Variants in CTSO observed in about 807,000 individuals in gnomAD.
CTSO encodes the protein cathepsin O.
CTSO carries 40 observed loss-of-function variants against 42.4 expected under a neutral mutation model. The ratio of observed to expected loss-of-function variants is 0.94; its 90% CI spans 0.73 to 1.23. CTSO has a LOEUF of 1.23. Ranked by LOEUF, CTSO falls within the 50% of genes most tolerant of loss-of-function variation. The pLI, the probability that CTSO is intolerant of heterozygous loss-of-function variation, is 0.00. For synonymous variants in CTSO, 156 were observed against 146.2 expected (o/e 1.07, Z -0.48); for missense variants, 441 against 396.0 (o/e 1.11, Z -0.96).
chr4:155,928,528 G>T, intron 6 of CTSO, 100 bp from the exon 7 acceptor site: 1 of 770,746 alleles, frequency 1.3e-6, no homozygotes, highest in Non-Finnish European at 2.1e-6. Flanking sequence ...AAGGATAGTA[G>T]CTCTGAGAAG....
intron 6 of CTSO, 117 bp downstream of exon 6, chr4:155,929,425 G>A: frequency 7.1e-6 from 7 of 986,272 alleles, no homozygotes; most frequent in Non-Finnish European, 1.0e-5. Flanking sequence ...AAGTTGTGAA[G>A]GTCTTATGAG....
chr4:155,932,785 C>T lies in CTSO; in HGVS notation c.675-3080G>A, dbSNP rs147668356. Among the ~76,000 whole-genome samples the T allele has an allele frequency of 7.2e-3, 1,091 of 152,268 alleles. 7 individuals carry two copies. Among genetic ancestry groups the T allele is most frequent in the Non-Finnish European group, 0.011 (741 of 68,016 alleles). ...CTGCTGCCCCGGTTCTCTCATTTCC[C>T]CACCCCATTACCAGTCTTTCCTGGG... On this transcript the variant is annotated intron_variant, in intron 5 of 7. Coordinates refer to ENST00000433477, the MANE Select transcript of CTSO (RefSeq NM_001334.3).
At chr4:155,928,489 GTTTC>G in intron 6 of CTSO, 61 bp from the exon 7 acceptor site, 1 of 1,205,188 alleles carries the variant, frequency 8.3e-7, no homozygotes, top group Non-Finnish European at 1.2e-6. Flanking sequence ...GAATGTTTAA[GTTTC>G]TTTATTTTAA....
At chr4:155,953,620 G>A (rs1396684482) in intron 1 of CTSO, 93 bp downstream of exon 1, 16 of 1,219,172 alleles carry the variant, frequency 1.3e-5, no homozygotes, top group African/African-American at 1.6e-5. Context: ...CCCACGAGCA[G>A]GGTCAGCTCT....
chr4:155,927,277 A>G (rs1318219427), intron 7 of CTSO, among the ~76,000 whole-genome samples: 2 of 152,254 alleles, frequency 1.3e-5, no homozygotes, highest in Non-Finnish European at 2.9e-5. Context: ...ATTTAAAAAA[A>G]TTGTATATAT....
At chr4:155,949,316 G>A (rs1338145951) in intron 1 of CTSO, among the ~76,000 whole-genome samples, 2 of 152,120 alleles carry the variant, frequency 1.3e-5, no homozygotes, top group East Asian at 3.9e-4. Context: ...TAAACTTTAA[G>A]GGACTTCATG....
chr4:155,937,281 C>A (rs1255503335), intron 5 of CTSO, 81 bp downstream of exon 5: 3 of 1,111,434 alleles, frequency 2.7e-6, no homozygotes, highest in African/African-American at 1.6e-5. Flanking sequence ...TGCAGTGATG[C>A]CTTCAAACAA....
chr4:155,933,777 TGA>T (rs770798847), intron 5 of CTSO, among the ~76,000 whole-genome samples: 17 of 152,068 alleles, frequency 1.1e-4, no homozygotes, highest in Non-Finnish European at 2.2e-4. Flanking sequence ...ACTTTGAACT[TGA>T]GAGAGATGAT....
chr4:155,943,854 G>A lies in CTSO; in HGVS notation c.136-590C>T, dbSNP rs138140123. 3.3e-5 allele frequency among the ~76,000 whole-genome samples: 5 copies of A among 152,272 alleles called. No homozygotes were observed. In the East Asian group the frequency reaches 7.7e-4, roughly 23 times the overall value. ...AGAAGATAGCCTGGTTTCTCTATCT[G>A]GAGGGGAAATGTGACCATTATTTAC... is the stretch of plus-strand genomic sequence containing the variant. On this transcript the variant is annotated intron_variant, in intron 1 of 7. Transcript: ENST00000433477.
Position 155,942,440 on chromosome 4 carries a change from G to A in CTSO, c.261C>T (p.Ser87=), listed in dbSNP as rs1294656597. The A allele has an allele frequency of 3.3e-6, 5 of 1,536,108 alleles. No homozygotes were observed. Among genetic ancestry groups the A allele is most frequent in the Non-Finnish European group, 4.4e-6 (5 of 1,141,918 alleles). ...PEEFKAIYLR[S]KPSKFPRYSA... is the part of the protein sequence containing the mutation. The stretch of plus-strand genomic sequence containing the variant: ...AGTATCTGGGAAACTTGGAAGGTTT[G>A]CTTCTTAAATAAATGGCTGAGTAGA... The change falls in exon 3 of 8, where the codon AGC becomes AGT. Residue 87 remains serine (S), a synonymous_variant. Coordinates refer to ENST00000433477, the MANE Select transcript of CTSO (RefSeq NM_001334.3).
chr4:155,928,606 C>T (rs1394262602), intron 6 of CTSO, among the ~76,000 whole-genome samples, 178 bp from the exon 7 acceptor site: 1 of 152,162 alleles, frequency 6.6e-6, no homozygotes, highest in Non-Finnish European at 1.5e-5. Flanking sequence ...CTGAGCAGTA[C>T]TTACGGACAC....
chr4:155,929,386 G>A (rs913960878), intron 6 of CTSO, among the ~76,000 whole-genome samples, 156 bp downstream of exon 6: 7 of 152,190 alleles, frequency 4.6e-5, no homozygotes, highest in South Asian at 2.1e-4. Flanking sequence ...AGCTGGTCTC[G>A]GCACATTTAC....
chr4:155,926,474 A>G (rs1743130359), intron 7 of CTSO, among the ~76,000 whole-genome samples: 1 of 152,236 alleles, frequency 6.6e-6, no homozygotes, highest in African/African-American at 2.4e-5. Context: ...TAAAACTTTA[A>G]TAAATCACGA....
At chr4:155,942,166 C>A (rs1337817962) in intron 3 of CTSO, 151 bp downstream of exon 3, 3 of 588,976 alleles carry the variant, frequency 5.1e-6, no homozygotes, top group African/African-American at 2.0e-5. Context: ...TCTCATTCCT[C>A]CAGAGATTCT....
chr4:155,949,281 C>T (rs571893411), intron 1 of CTSO, among the ~76,000 whole-genome samples: 5 of 152,190 alleles, frequency 3.3e-5, no homozygotes, highest in Non-Finnish European at 2.9e-5. Context: ...GTTATTTAGC[C>T]TGCAAGAAAT....
At chr4:155,927,508 G>A (rs977676554) in intron 7 of CTSO, among the ~76,000 whole-genome samples, 11 of 152,162 alleles carry the variant, frequency 7.2e-5, no homozygotes, top group Non-Finnish European at 1.2e-4. Flanking sequence ...GGTGGCTCAC[G>A]CCTGTAATCC....
At position 155,929,550 on chromosome 4, in the gene CTSO, T is replaced by A; in HGVS notation, c.830A>T (p.Asp277Val). The A allele has an allele frequency of 6.2e-7, 1 of 1,612,312 alleles. No individual in the cohort carries two copies. The highest frequency in any genetic ancestry group is 8.5e-7 in the Non-Finnish European group (1 of 1,179,396). The change falls in exon 6 of 8, where the codon GAT becomes GTT. Residue 277 changes from aspartate to valine, a missense_variant. By Grantham distance (152) the Asp-to-Val change is radical (BLOSUM62 -3). Coordinates refer to ENST00000433477, the MANE Select transcript of CTSO (RefSeq NM_001334.3). The stretch of plus-strand genomic sequence containing the variant: ...GTCTTATCAGCACTTACCTGTTTTA[T>A]CAAACCCAGTTATGAGAACTGCATG... ...ANHAVLITGFDKTGSTPYWIV... is the reference protein window; with the variant it reads ...ANHAVLITGFVKTGSTPYWIV...
In CTSO at chr4:155,926,077, G is replaced by GGT. The variant is rs1560782767; in HGVS notation, c.932-8_932-7insAC. ...GAAACGGAATCTGCAATACCTAAGGGAAAAAAAAGGAATTATTAGTCTATT... is the reference window on the plus strand; with the variant it reads ...GAAACGGAATCTGCAATACCTAAGGGGTAAAAAAAAGGAATTATTAGTCTATT... On this transcript the variant is annotated splice_region_variant and splice_polypyrimidine_tract_variant and intron_variant, in intron 7 of 7. Transcript: ENST00000433477. 4 of 1,477,980 alleles carry GGT rather than the reference G, an allele frequency of 2.7e-6. No individual in the cohort carries two copies. In the East Asian group the frequency reaches 1.0e-4, roughly 37 times the overall value. The allele number at this position is 1,477,980 out of a possible 1,614,324, so 91.6% of individuals were successfully genotyped here.
chr4:155,947,062 G>A (rs989750872), intron 1 of CTSO, among the ~76,000 whole-genome samples: 3 of 152,072 alleles, frequency 2.0e-5, no homozygotes, highest in East Asian at 1.9e-4. Context: ...AGGTTTCACC[G>A]TGTTAGCCAG....
Sources: gnomAD v4.1 joint callset for allele counts (sites outside exome capture counted in the v4.1 genomes callset) on GRCh38, gnomAD v4.1.1 for gene constraint, MANE v1.5 for transcripts, NCBI Gene and HGNC (gene_info 2026-07-23, HGNC 2026-07-21) for gene names.